Variants in DOT1L observed in about 807,000 individuals in gnomAD.
DOT1L encodes histone-lysine N-methyltransferase, H3 lysine-79 specific.
DOT1L carries 33 observed loss-of-function variants against 153.3 expected under a neutral mutation model. The observed-to-expected ratio is 0.22, with a 90% CI of 0.16 to 0.29. The LOEUF is 0.29. Ranked by LOEUF, DOT1L falls within the 10% of genes least tolerant of loss-of-function variation. DOT1L has a pLI of 1.00. For synonymous variants in DOT1L, 1,135 were observed against 965.1 expected, an observed-to-expected ratio of 1.18 and a Z score of -3.26; for missense variants, 1,847 against 2,119.9, an observed-to-expected ratio of 0.87 and a Z score of 2.53.
chr19:2,166,569 G>A (rs1296327029), intron 1 of DOT1L, among the ~76,000 whole-genome samples: 1 of 151,784 alleles, frequency 6.6e-6, no homozygotes, highest in Non-Finnish European at 1.5e-5. Flanking sequence ...GAGCCACCAC[G>A]TCCGGCTAAT....
chr19:2,223,051 TTAG>T (rs1273505640), intron 24 of DOT1L, among the ~76,000 whole-genome samples: 9 of 151,806 alleles, frequency 5.9e-5, no homozygotes, highest in East Asian at 5.9e-4. Context: ...CTGTGGGGCC[TTAG>T]TGGTGGTGGG....
At chr19:2,227,750 C>A in intron 27 of DOT1L, 1 of 1,318,342 alleles carries the variant, frequency 7.6e-7, no homozygotes, top group Non-Finnish European at 1.0e-6. Context: ...TCTTTAACCA[C>A]GCGGTGCCCT....
Position 2,220,636 on chromosome 19 carries a change from G to A in DOT1L, c.2806+414G>A, listed in dbSNP as rs1477485130. 2.4e-6 allele frequency: 1 copy of A among 422,184 alleles called. No homozygotes were observed. The highest frequency in any genetic ancestry group is 2.1e-5 in the African/African-American group (1 of 48,712). 26.2% of individuals were successfully genotyped at this position (422,184 alleles called of 1,614,324 possible). On this transcript the variant is annotated intron_variant, in intron 23 of 27. Coordinates refer to ENST00000398665, the MANE Select transcript of DOT1L (RefSeq NM_032482.3). The surrounding 1 kb of genome is among the most constrained non-coding windows in gnomAD (Gnocchi z 4.5). Reference sequence around the variant, plus strand: ...GCATGGTTTCTGGTTCCTTGAGAAGGTGCCGCCTGAGCAGTCTCTGCTGTT... The same window carrying A: ...GCATGGTTTCTGGTTCCTTGAGAAGATGCCGCCTGAGCAGTCTCTGCTGTT...
rs752870286 is a variant in DOT1L at position 2,217,647 on chromosome 19, C to T, written c.2545-125C>T. The stretch of plus-strand genomic sequence containing the variant: ...GGGCCTGACTGCGTGGGGAAGGTTG[C>T]AGGGCCTTGGCAGCGTGGGGGCCGC... On this transcript the variant is annotated intron_variant, in intron 21 of 27. Coordinates refer to ENST00000398665, the MANE Select transcript of DOT1L (RefSeq NM_032482.3). The surrounding 1 kb of genome is among the most constrained non-coding windows in gnomAD (Gnocchi z 7.3). 6.7e-5 allele frequency: 93 copies of T among 1,387,110 alleles called. No individual in the cohort carries two copies. Among genetic ancestry groups the T allele is most frequent in the Non-Finnish European group, 8.3e-5 (86 of 1,030,382 alleles). The allele number at this position is 1,387,110 out of a possible 1,614,324, so 85.9% of individuals were successfully genotyped here.
rs947013375 is a variant in DOT1L, at chr19:2,222,827, T to C, written c.3390+268T>C. On this transcript the variant is annotated intron_variant, in intron 24 of 27. Transcript: ENST00000398665. This position sits in a 1 kb window ranked among gnomAD's most constrained non-coding sequence, Gnocchi z 6.5. ...TGAACCCGGGAGGCGGGGCTTGCAG[T>C]GAACTGAGATCGGCCACTGCCTGGG... 6 of 455,436 alleles carry C rather than the reference T, an allele frequency of 1.3e-5. No individual in the cohort carries two copies. Among genetic ancestry groups the C allele is most frequent in the African/African-American group, 2.1e-5 (1 of 48,618 alleles). The allele number at this position is 455,436 out of a possible 1,614,324, so 28.2% of individuals were successfully genotyped here.
rs2023555715 is a variant in DOT1L, at chr19:2,207,687, A to G, written c.963+7A>G. On this transcript the variant is annotated splice_region_variant and intron_variant, in intron 11 of 27. Transcript: ENST00000398665. This position sits in a 1 kb window ranked among gnomAD's most constrained non-coding sequence, Gnocchi z 4.5. ...CACTATCGACCGCACCATAGTGAGT[A>G]TCTCGCTGCGCCTCAGCCGCAGGGC... 1 of 1,607,092 alleles carries G rather than the reference A, an allele frequency of 6.2e-7. No homozygotes were observed. The highest frequency in any genetic ancestry group is 1.3e-5 in the African/African-American group (1 of 74,690).
chr19:2,206,856 A>G, intron 10 of DOT1L, 59 bp downstream of exon 10: 4 of 1,525,660 alleles, frequency 2.6e-6, no homozygotes, highest in South Asian at 1.1e-5. Context: ...TCTGACACGC[A>G]GTATTCCTAG....
chr19:2,217,036 G>A lies in DOT1L; in HGVS notation c.2490G>A (p.Pro830=), dbSNP rs184463351. 4.0e-5 allele frequency: 65 copies of A among 1,612,644 alleles called. No homozygotes were observed. The Middle Eastern group carries it at 1.5e-3, about 37-fold the overall frequency. The change falls in exon 21 of 28, where the codon CCG becomes CCA. Residue 830 remains proline (P), a synonymous_variant. Transcript: ENST00000398665. This position sits in a 1 kb window ranked among gnomAD's most constrained non-coding sequence, Gnocchi z 7.3. The part of the protein sequence containing the change: ...PGSMKLSPQD[P]RPLSPGALQL... ...GCATGAAGCTGAGCCCTCAGGACCC[G>A]CGGCCCCTGTCCCCTGGGGCCTTGC...
intron 9 of DOT1L, among the ~76,000 whole-genome samples, chr19:2,203,684 G>C (rs1477379316): frequency 6.6e-6 from 1 of 152,226 alleles, no homozygotes; most frequent in Non-Finnish European, 1.5e-5. Flanking sequence ...GTGGTACCCA[G>C]ACCACACTCT....
Position 2,164,037 on chromosome 19 carries a change from G to T in DOT1L, c.-148G>T. ...GGCCGGGCCGGACCGGAGCGCGGCG[G>T]CGGCGGCGGCGGCGGCCGAGGCCGA... On this transcript the variant is annotated 5_prime_UTR_variant, in exon 1 of 28. Coordinates refer to ENST00000398665, the MANE Select transcript of DOT1L (RefSeq NM_032482.3). 2.8e-6 allele frequency: 1 copy of T among 358,352 alleles called. No individual in the cohort carries two copies. The highest frequency in any genetic ancestry group is 4.1e-6 in the Non-Finnish European group (1 of 243,548). 22.2% of individuals were successfully genotyped at this position (358,352 alleles called of 1,614,324 possible).
rs2022869106 is a variant in DOT1L, at chr19:2,193,122, T to C, written c.494-567T>C. On this transcript the variant is annotated intron_variant, in intron 5 of 27. Transcript: ENST00000398665. The surrounding 1 kb of genome is among the most constrained non-coding windows in gnomAD (Gnocchi z 5.9). ...GTATCTGCAGCCCCTGTTCCCTCCT[T>C]CTCCCTTAGAGCCGGGTGTTGCTGG... Among the ~76,000 whole-genome samples the C allele has an allele frequency of 6.6e-6, 1 of 152,146 alleles. No individual in the cohort carries two copies. Among genetic ancestry groups the C allele is most frequent in the South Asian group, 2.1e-4 (1 of 4,830 alleles).
At chr19:2,173,200 C>T (rs1050661833) in intron 1 of DOT1L, among the ~76,000 whole-genome samples, 2 of 151,890 alleles carry the variant, frequency 1.3e-5, no homozygotes, top group African/African-American at 2.4e-5. Context: ...TTCCCTGTCA[C>T]GCTGTGGCTT....
intron 25 of DOT1L, among the ~76,000 whole-genome samples, chr19:2,224,433 G>A (rs544841899): frequency 9.3e-5 from 14 of 150,982 alleles, no homozygotes; most frequent in Middle Eastern, 3.5e-3. Flanking sequence ...GAGTCGTCGT[G>A]AAGTGATATA....
chr19:2,226,741 G>A lies in DOT1L; in HGVS notation c.4220G>A (p.Ser1407Asn). The change falls in exon 27 of 28, where the codon AGC becomes AAC. Residue 1407 changes from serine to asparagine, a missense_variant. This residue lies in a region of DOT1L where 934 missense variants were observed against 825.3 expected (regional missense o/e 1.13). Transcript: ENST00000398665. The part of the protein sequence containing the change: ...CGPTDKTPLL[S>N]GKAAKARDRE... The stretch of plus-strand genomic sequence containing the variant: ...CCCACGGACAAGACCCCACTGCTGA[G>A]CGGCAAGGCCGCCAAGGCCCGGGAC... The A allele has an allele frequency of 6.4e-7, 1 of 1,558,102 alleles. No homozygotes were observed. The highest frequency in any genetic ancestry group is 8.6e-7 in the Non-Finnish European group (1 of 1,158,462).
chr19:2,221,696 C>A (rs1049006607), intron 23 of DOT1L: 6 of 475,418 alleles, frequency 1.3e-5, no homozygotes, highest in African/African-American at 1.9e-5. Context: ...GGGGAGCCCG[C>A]ACCAGGAGGC....
chr19:2,211,102 C>G lies in DOT1L; in HGVS notation c.1355C>G (p.Ala452Gly). 1 of 1,612,168 alleles carries G rather than the reference C, an allele frequency of 6.2e-7. No homozygotes were observed. Among genetic ancestry groups the G allele is most frequent in the Non-Finnish European group, 8.5e-7 (1 of 1,179,086 alleles). ...SQTAASSPQD[A>G]YRSPHSPFYQ... The stretch of plus-strand genomic sequence containing the variant: ...CGCCTGCCCTCCGCTCTCCCAGATG[C>G]CTACAGATCCCCTCACAGCCCGTTC... Residue 452 changes from alanine (A) to glycine (G), a missense_variant, in exon 15 of 28, where the codon GCC becomes GGC. Transcript: ENST00000398665.
chr19:2,225,557 T>C (rs2144925015), intron 26 of DOT1L, 105 bp downstream of exon 26: 2 of 1,242,780 alleles, frequency 1.6e-6, no homozygotes, highest in Admixed American at 1.7e-5. Flanking sequence ...GTGTCCCGCA[T>C]GGTGCTGGCC....
chr19:2,228,928 A>G (rs1568377214), intron 27 of DOT1L: 1 of 985,406 alleles, frequency 1.0e-6, no homozygotes, highest in Non-Finnish European at 1.2e-6. Flanking sequence ...TGAAGCCCCA[A>G]GTGCCCTGCC....
At chr19:2,214,397 C>A in intron 18 of DOT1L, 74 bp from the exon 19 acceptor site, 1 of 1,572,248 alleles carries the variant, frequency 6.4e-7, no homozygotes. Context: ...GCCCAGGGAA[C>A]CCTGCCCTGA....
Sources: allele counts gnomAD v4.1 joint callset (sites outside exome capture counted in the v4.1 genomes callset), GRCh38; gene constraint gnomAD v4.1.1; regional missense constraint gnomAD v4.1.1; non-coding constraint Gnocchi (gnomAD v3.1); transcripts MANE v1.5; gene names NCBI Gene and HGNC (gene_info 2026-07-23, HGNC 2026-07-21).